SAP130: variants seen among roughly 807,000 people sequenced by gnomAD.
SAP130 encodes histone deacetylase complex subunit SAP130.
A neutral mutation model predicts 103.2 loss-of-function variants in SAP130; 16 were observed. The observed-to-expected ratio is 0.16, with a 90% CI of 0.10 to 0.24. SAP130 has a LOEUF of 0.24. SAP130 is among the 10% of genes least tolerant of loss of function. The pLI is 1.00. For missense variants in SAP130, 990 were observed against 1,359.7 expected (o/e 0.73, Z 4.28); for synonymous variants, 477 against 497.0 (o/e 0.96, Z 0.53).
intron 1 of SAP130, chr2:128,027,189 G>A: frequency 5.7e-6 from 7 of 1,232,718 alleles, no homozygotes; most frequent in South Asian, 3.9e-5. Context: ...GTGCTCGGCG[G>A]GCGCGGGGAG....
chr2:127,941,248 TAACGTCTGGA>T lies in SAP130; in HGVS notation c.*748_*757del, dbSNP rs1333424626. 1 of 152,142 alleles carries T rather than the reference TAACGTCTGGA, an allele frequency of 6.6e-6. No individual in the cohort carries two copies. The highest frequency in any genetic ancestry group is 1.5e-5 in the Non-Finnish European group (1 of 68,042). 9.4% of individuals were successfully genotyped at this position (152,142 alleles called of 1,614,324 possible). A position where few individuals can be genotyped will look rare whatever the true frequency, so the allele number is the denominator to read the frequency against. ...ACAAAAACCTCTTTGAGTCCTTTAT[TAACGTCTGGA>T]GATGTGTGGTACATACAATTAACAG... On this transcript the variant is annotated 3_prime_UTR_variant, in exon 21 of 21. Coordinates refer to ENST00000643581, the MANE Select transcript of SAP130 (RefSeq NM_001330301.2).
intron 11 of SAP130, among the ~76,000 whole-genome samples, chr2:127,994,692 A>T (rs1201567423): frequency 2.0e-5 from 3 of 152,020 alleles, no homozygotes; most frequent in Non-Finnish European, 4.4e-5. Flanking sequence ...CCGGAAGTCG[A>T]GGCTGCAGTG....
intron 1 of SAP130, among the ~76,000 whole-genome samples, chr2:128,026,551 T>TA (rs766179115): frequency 7.9e-5 from 12 of 152,186 alleles, no homozygotes; most frequent in Non-Finnish European, 1.5e-4. Context: ...ATTGCTATGC[T>TA]AAAAAAATCA....
At chr2:127,950,792 T>C (rs1679447221) in intron 16 of SAP130, among the ~76,000 whole-genome samples, 1 of 152,198 alleles carries the variant, frequency 6.6e-6, no homozygotes, top group Non-Finnish European at 1.5e-5. Context: ...TCTGTGATCC[T>C]GGAACTCAGA....
intron 12 of SAP130, among the ~76,000 whole-genome samples, chr2:127,991,286 A>G (rs1682781984): frequency 6.6e-6 from 1 of 152,212 alleles, no homozygotes; most frequent in African/African-American, 2.4e-5. Flanking sequence ...TTTTGATCAT[A>G]TATTTTATTT....
At chr2:128,000,263 T>C in intron 8 of SAP130, 44 bp downstream of exon 8, 7 of 1,613,070 alleles carry the variant, frequency 4.3e-6, no homozygotes, top group Non-Finnish European at 5.9e-6. Flanking sequence ...ACTTTTGGTT[T>C]TACCCAACAA....
intron 18 of SAP130, among the ~76,000 whole-genome samples, chr2:127,946,999 G>C (rs1679129735): frequency 6.7e-6 from 1 of 150,070 alleles, no homozygotes; most frequent in Non-Finnish European, 1.5e-5. Context: ...GAAGTAGAGA[G>C]AGAGAGAGAA....
intron 2 of SAP130, among the ~76,000 whole-genome samples, chr2:128,024,566 T>C (rs1685370651): frequency 6.6e-6 from 1 of 151,592 alleles, no homozygotes; most frequent in Non-Finnish European, 1.5e-5. Flanking sequence ...AATTTAAAAT[T>C]AGCTGAACAT....
chr2:127,988,629 T>C (rs949011646), intron 13 of SAP130, among the ~76,000 whole-genome samples: 2 of 150,822 alleles, frequency 1.3e-5, no homozygotes, highest in African/African-American at 2.4e-5. Context: ...GTGAGTAGAC[T>C]ACTTGAGCCC....
intron 14 of SAP130, among the ~76,000 whole-genome samples, chr2:127,984,345 C>G (rs1682214545): frequency 6.6e-6 from 1 of 152,194 alleles, no homozygotes; most frequent in South Asian, 2.1e-4. Context: ...CCTGCCAGGC[C>G]TCTACATCTT....
intron 14 of SAP130, among the ~76,000 whole-genome samples, chr2:127,985,674 G>A (rs915630521): frequency 1.3e-5 from 2 of 152,064 alleles, no homozygotes; most frequent in African/African-American, 4.8e-5. Flanking sequence ...GGTCCCTGGT[G>A]AGGGCTCCAC....
At chr2:128,016,609 C>T (rs1684799091) in intron 3 of SAP130, 62 bp from the exon 4 acceptor site, 3 of 1,537,748 alleles carry the variant, frequency 2.0e-6, no homozygotes, top group Middle Eastern at 3.5e-4. Context: ...CATTTCAATC[C>T]ACAATTAAGA....
Position 127,941,464 on chromosome 2 carries a change from T to C in SAP130, c.*542A>G, listed in dbSNP as rs1230487890. 1 of 152,646 alleles carries C rather than the reference T, an allele frequency of 6.6e-6. No homozygotes were observed. Among genetic ancestry groups the C allele is most frequent in the African/African-American group, 2.4e-5 (1 of 41,410 alleles). The allele number at this position is 152,646 out of a possible 1,614,324, so 9.5% of individuals were successfully genotyped here. ...TTTTTTAAAAAATGACAAGAACTAA[T>C]AGTTCAAACCCTTTAGAGTGTGAGA... On this transcript the variant is annotated 3_prime_UTR_variant, in exon 21 of 21. Coordinates refer to ENST00000643581, the MANE Select transcript of SAP130 (RefSeq NM_001330301.2).
At chr2:127,988,835 G>A (rs973672427) in intron 13 of SAP130, among the ~76,000 whole-genome samples, 1 of 152,172 alleles carries the variant, frequency 6.6e-6, no homozygotes, top group African/African-American at 2.4e-5. Context: ...CTGGGTGACA[G>A]AGTGAGAATC....
intron 14 of SAP130, among the ~76,000 whole-genome samples, chr2:127,981,793 T>C (rs1681953199): frequency 7.3e-6 from 1 of 136,224 alleles, no homozygotes; most frequent in African/African-American, 2.8e-5. Context: ...GACCCAGTCC[T>C]CCTGCACCCT....
rs140122218 is a variant in SAP130 at position 128,005,434 on chromosome 2, T to C, written c.869+4835A>G. On this transcript the variant is annotated intron_variant, in intron 7 of 20. Transcript: ENST00000643581. ...GAGTTCGAGACCAGCCTGGCCAACA[T>C]GGCAAACCCCCATCTACTAAAAATA... Among the ~76,000 whole-genome samples, 970 of 151,902 alleles carry C rather than the reference T, an allele frequency of 6.4e-3. 20 individuals carry two copies. The highest frequency in any genetic ancestry group is 0.052 in the Admixed American group (791 of 15,262).
intron 7 of SAP130, among the ~76,000 whole-genome samples, chr2:128,009,964 G>C (rs1317294347): frequency 1.3e-5 from 2 of 152,048 alleles, no homozygotes; most frequent in African/African-American, 2.4e-5. Flanking sequence ...ACATGAAACT[G>C]TAAGTCCCCT....
intron 13 of SAP130, among the ~76,000 whole-genome samples, chr2:127,988,221 G>A (rs993712715): frequency 2.6e-5 from 4 of 152,012 alleles, no homozygotes; most frequent in African/African-American, 9.7e-5. Flanking sequence ...TCTGGAGTTC[G>A]AGACCAGCCT....
chr2:127,996,505 A>G lies in SAP130; in HGVS notation c.1214-14T>C. On this transcript the variant is annotated splice_polypyrimidine_tract_variant and intron_variant, in intron 10 of 20. Transcript: ENST00000643581. This position sits in a 1 kb window ranked among gnomAD's most constrained non-coding sequence, Gnocchi z 4.3. ...GCACCACCTTGGCTGCAAACAGTAA[A>G]TGCCAATTCCATGACCATTCTACAC... 6.6e-7 allele frequency: 1 copy of G among 1,522,938 alleles called. No homozygotes were observed. The highest frequency in any genetic ancestry group is 1.4e-5 in the African/African-American group (1 of 71,454). The allele number at this position is 1,522,938 out of a possible 1,614,324, so 94.3% of individuals were successfully genotyped here. A position where few individuals can be genotyped will look rare whatever the true frequency, so the allele number is the denominator to read the frequency against.
Sources: gnomAD v4.1 joint callset for allele counts (sites outside exome capture counted in the v4.1 genomes callset) on GRCh38, gnomAD v4.1.1 for gene constraint, Gnocchi (gnomAD v3.1) non-coding constraint, MANE v1.5 for transcripts, NCBI Gene and HGNC (gene_info 2026-07-23, HGNC 2026-07-21) for gene names.